Variants in LRP1B observed in about 807,000 individuals in gnomAD.
LRP1B encodes LDL receptor related protein 1B.
LRP1B carries 217 observed loss-of-function variants against 556.6 expected under a neutral mutation model. That is an observed-to-expected ratio of 0.39 (90% confidence interval 0.35 to 0.44). The LOEUF (loss-of-function observed/expected upper bound fraction) is 0.44, where lower values mean the gene tolerates loss of function less well. Among genes scored for constraint, LRP1B ranks in the 20% least tolerant of loss-of-function variants. LRP1B has a pLI of 1.00. For missense variants in LRP1B, 5,053 were observed against 5,620.8 expected (o/e 0.90, Z 3.23); for synonymous variants, 2,047 against 1,865.8 (o/e 1.10, Z -2.50).
At chr2:140,722,163 T>A (rs1008438410) in intron 35 of LRP1B, among the ~76,000 whole-genome samples, 2 of 152,200 alleles carry the variant, frequency 1.3e-5, no homozygotes, top group African/African-American at 4.8e-5. Flanking sequence ...ATTATGACCA[T>A]TAGATTCATC....
intron 3 of LRP1B, 79 bp downstream of exon 3, chr2:141,480,317 A>G: frequency 6.9e-7 from 1 of 1,456,226 alleles, no homozygotes; most frequent in South Asian, 1.2e-5. Flanking sequence ...AAGAAAAGGC[A>G]GGTTATAGGT....
intron 86 of LRP1B, among the ~76,000 whole-genome samples, chr2:140,256,207 G>C (rs904806178): frequency 5.3e-5 from 8 of 151,912 alleles, no homozygotes; most frequent in Admixed American, 4.6e-4. Flanking sequence ...GAATTAGCCA[G>C]GCCTGGGTTG....
chr2:141,828,133 C>A (rs982584821), intron 1 of LRP1B, among the ~76,000 whole-genome samples: 2 of 143,548 alleles, frequency 1.4e-5, no homozygotes, highest in Non-Finnish European at 3.1e-5. Flanking sequence ...TAATCTAATT[C>A]ATTATATGCA....
Position 140,252,531 on chromosome 2 carries a change from A to G in LRP1B, c.13248-5369T>C, listed in dbSNP as rs1373919487. Among the ~76,000 whole-genome samples, 6 of 152,120 alleles carry G rather than the reference A, an allele frequency of 3.9e-5. No homozygotes were observed. The South Asian group carries it at 8.3e-4, about 21-fold the overall frequency. On this transcript the variant is annotated intron_variant, in intron 86 of 90. Transcript: ENST00000389484. Reference sequence around the variant, plus strand: ...AAATAAAATATGGCACTATTATTTAATCATTGTTTTAGATGACAATGCCAT... The same window carrying G: ...AAATAAAATATGGCACTATTATTTAGTCATTGTTTTAGATGACAATGCCAT...
rs574894350 is a variant in LRP1B at position 140,840,113 on chromosome 2, A to T, written c.5115-28T>A. ...TAATTCAAAAGACATATGGATTGAAAATATTAGATGTAGACCTACTCACTG... is the reference window on the plus strand; with the variant it reads ...TAATTCAAAAGACATATGGATTGAATATATTAGATGTAGACCTACTCACTG... On this transcript the variant is annotated intron_variant, in intron 30 of 90. Transcript: ENST00000389484. The T allele has an allele frequency of 2.2e-6, 3 of 1,338,986 alleles. No homozygotes were observed. In the South Asian group the frequency reaches 3.7e-5, roughly 17 times the overall value. The allele number at this position is 1,338,986 out of a possible 1,614,324, so 82.9% of individuals were successfully genotyped here.
chr2:141,252,186 C>G (rs572614347), intron 4 of LRP1B, among the ~76,000 whole-genome samples: 2 of 148,840 alleles, frequency 1.3e-5, no homozygotes, highest in East Asian at 4.0e-4. Flanking sequence ...TATCCTCTCA[C>G]CCCCACCACC....
At chr2:140,737,635 C>T (rs1687990394) in intron 35 of LRP1B, among the ~76,000 whole-genome samples, 1 of 152,150 alleles carries the variant, frequency 6.6e-6, no homozygotes, top group Non-Finnish European at 1.5e-5. Context: ...GAAATTATCC[C>T]CACTACCACC....
At chr2:140,592,315 A>G (rs1198575158) in intron 43 of LRP1B, among the ~76,000 whole-genome samples, 1 of 152,162 alleles carries the variant, frequency 6.6e-6, no homozygotes, top group African/African-American at 2.4e-5. Flanking sequence ...TTAGAAATTA[A>G]TTTACCTTTT....
chr2:140,626,164 T>C (rs560397817), intron 41 of LRP1B, among the ~76,000 whole-genome samples: 2 of 152,268 alleles, frequency 1.3e-5, no homozygotes, highest in East Asian at 1.9e-4. Flanking sequence ...TGACCTTCTA[T>C]GGCAAACCTA....
intron 2 of LRP1B, among the ~76,000 whole-genome samples, chr2:141,671,626 C>A (rs1259383115): frequency 1.3e-5 from 2 of 152,084 alleles, no homozygotes; most frequent in Non-Finnish European, 2.9e-5. Context: ...ATCAACATAC[C>A]ATTGCATTCT....
chr2:140,409,441 A>C (rs916861278), intron 66 of LRP1B, among the ~76,000 whole-genome samples: 1 of 152,056 alleles, frequency 6.6e-6, no homozygotes, highest in African/African-American at 2.4e-5. Flanking sequence ...AAAAGTAACA[A>C]GTTCGTCCAC....
chr2:141,047,053 A>C (rs1339379782), intron 11 of LRP1B, among the ~76,000 whole-genome samples: 1 of 6,206 alleles, frequency 1.6e-4, no homozygotes, highest in Non-Finnish European at 6.2e-4. Flanking sequence ...CTGCACAAAA[A>C]TTAATAATAA....
intron 3 of LRP1B, among the ~76,000 whole-genome samples, chr2:141,264,456 C>T (rs987804748): frequency 6.6e-6 from 1 of 151,924 alleles, no homozygotes; most frequent in African/African-American, 2.4e-5. Flanking sequence ...TTTAGTTATT[C>T]ATTATTTTAT....
intron 1 of LRP1B, among the ~76,000 whole-genome samples, chr2:142,056,782 G>A (rs2104883513): frequency 6.6e-6 from 1 of 152,160 alleles, no homozygotes; most frequent in South Asian, 2.1e-4. Flanking sequence ...ATTAATATGA[G>A]AGAAATGTAG....
intron 41 of LRP1B, among the ~76,000 whole-genome samples, chr2:140,695,174 T>A (rs1006876797): frequency 6.6e-6 from 1 of 151,808 alleles, no homozygotes; most frequent in Non-Finnish European, 1.5e-5. Flanking sequence ...TCTCTTTTAG[T>A]ACTCACTTCT....
rs537213424 is a variant in LRP1B at position 142,008,308 on chromosome 2, A to G, written c.82+122340T>C. ...AGAGTGCTCTAGCCGGTGATAACAC[A>G]GAATAGTTTGAAAGAAAGGCCCTAG... is the stretch of plus-strand genomic sequence containing the variant. On this transcript the variant is annotated intron_variant, in intron 1 of 90. Transcript: ENST00000389484. Among the ~76,000 whole-genome samples the G allele has an allele frequency of 1.3e-5, 2 of 152,288 alleles. 1 individual carries two copies. The highest frequency in any genetic ancestry group is 6.8e-3 in the Middle Eastern group (2 of 294).
At chr2:141,909,992 C>T (rs948040954) in intron 1 of LRP1B, among the ~76,000 whole-genome samples, 1 of 151,816 alleles carries the variant, frequency 6.6e-6, no homozygotes, top group African/African-American at 2.4e-5. Flanking sequence ...ACTAATTCTA[C>T]TTAAGTAGAT....
At chr2:140,752,968 T>C (rs1348345865) in intron 35 of LRP1B, among the ~76,000 whole-genome samples, 1 of 152,198 alleles carries the variant, frequency 6.6e-6, no homozygotes, top group Non-Finnish European at 1.5e-5. Flanking sequence ...ATAACATGTA[T>C]CCACCAATAT....
intron 77 of LRP1B, 109 bp downstream of exon 77, chr2:140,350,688 A>T (rs1216454280): frequency 1.1e-6 from 1 of 889,146 alleles, no homozygotes; most frequent in East Asian, 3.0e-5. Context: ...TTGGGAGAAT[A>T]ATTGAATATA....
Sources: allele counts gnomAD v4.1 joint callset (sites outside exome capture counted in the v4.1 genomes callset), GRCh38; gene constraint gnomAD v4.1.1; transcripts MANE v1.5; gene names NCBI Gene and HGNC (gene_info 2026-07-23, HGNC 2026-07-21).